CTNNA2: variants seen among roughly 807,000 people sequenced by gnomAD.
CTNNA2 encodes the protein catenin alpha-2.
Under a neutral mutation model 101.0 loss-of-function variants are expected in CTNNA2, and 42 were observed. The ratio of observed to expected loss-of-function variants is 0.42; its 90% confidence interval spans 0.32 to 0.54. The LOEUF (loss-of-function observed/expected upper bound fraction) is 0.54. Among genes scored for constraint, CTNNA2 ranks in the 20% least tolerant of loss-of-function variants. The pLI, the probability that CTNNA2 is intolerant of heterozygous loss-of-function variation, is 0.14. For missense variants in CTNNA2, 871 were observed against 1,223.1 expected (o/e 0.71, Z 4.29); for synonymous variants, 450 against 456.4 (o/e 0.99, Z 0.18).
chr2:79,471,727 A>C lies in CTNNA2; in HGVS notation c.-134-33327A>C, dbSNP rs60370846. Among the ~76,000 whole-genome samples, 430 of 152,128 alleles carry C rather than the reference A, an allele frequency of 2.8e-3. 2 individuals carry two copies. The highest frequency in any genetic ancestry group is 0.01 in the African/African-American group (415 of 41,500). Reference sequence around the variant, plus strand: ...GTGGTGGGTGCCTGTAGTCCCAGCTATTCGGGAGGCTGAGGCAGAAGAACG... The same window carrying C: ...GTGGTGGGTGCCTGTAGTCCCAGCTCTTCGGGAGGCTGAGGCAGAAGAACG... On this transcript the variant is annotated intron_variant, in intron 4 of 21. Coordinates refer to the CTNNA2 transcript ENST00000466387.
intron 7 of CTNNA2, among the ~76,000 whole-genome samples, chr2:80,367,190 G>A (rs995660993): frequency 2.6e-5 from 4 of 151,986 alleles, no homozygotes; most frequent in African/African-American, 9.7e-5. Context: ...CTTTCACATT[G>A]CGTAGAAAAA....
intron 4 of CTNNA2, among the ~76,000 whole-genome samples, chr2:79,392,942 A>G (rs912467679): frequency 6.6e-6 from 1 of 152,232 alleles, no homozygotes; most frequent in Non-Finnish European, 1.5e-5. Flanking sequence ...AACTCTGAAT[A>G]TATTCCATCT....
chr2:79,368,214 G>GT (rs1677791869), intron 3 of CTNNA2, among the ~76,000 whole-genome samples: 1 of 152,172 alleles, frequency 6.6e-6, no homozygotes, highest in Non-Finnish European at 1.5e-5. Context: ...TATATTTAAC[G>GT]TAAGACTCCT....
intron 3 of CTNNA2, among the ~76,000 whole-genome samples, chr2:79,341,210 G>A (rs907623533): frequency 1.3e-5 from 2 of 152,150 alleles, no homozygotes; most frequent in Admixed American, 6.5e-5. Context: ...GAGAAAGCAA[G>A]TGGGAATATA....
At position 80,179,309 on chromosome 2, in the gene CTNNA2, C is replaced by G. The variant is rs530856945; in HGVS notation, c.1057-213902C>G. Among the ~76,000 whole-genome samples the G allele has an allele frequency of 2.6e-5, 4 of 152,274 alleles. No homozygotes were observed. The South Asian group carries it at 8.3e-4, about 32-fold the overall frequency. On this transcript the variant is annotated intron_variant, in intron 7 of 18. Transcript: ENST00000402739. ...AGATCCATCTGTCTTCTGCACAGGC[C>G]AAATAGGAGAGATGAACAGGAATGT...
intron 1 of CTNNA2, among the ~76,000 whole-genome samples, chr2:79,195,484 C>A (rs370100697): frequency 1.3e-5 from 2 of 152,170 alleles, no homozygotes; most frequent in African/African-American, 2.4e-5. Context: ...AGCAAGATCG[C>A]TTTTACAACC....
At chr2:80,608,085 T>C in intron 16 of CTNNA2, 99 bp from the exon 17 acceptor site, 2 of 1,143,314 alleles carry the variant, frequency 1.7e-6, no homozygotes, top group Non-Finnish European at 2.5e-6. Flanking sequence ...AATTAAGGTA[T>C]ATGACACTGA....
At chr2:80,014,285 G>A (rs1191769430) in intron 7 of CTNNA2, among the ~76,000 whole-genome samples, 1 of 152,036 alleles carries the variant, frequency 6.6e-6, no homozygotes, top group African/African-American at 2.4e-5. Context: ...AAGGGAGCTA[G>A]AAAGATGCCT....
chr2:79,655,793 C>A (rs1271572457), intron 2 of CTNNA2, among the ~76,000 whole-genome samples: 1 of 150,210 alleles, frequency 6.7e-6, no homozygotes, highest in Non-Finnish European at 1.5e-5. Context: ...CATGCCACTG[C>A]ACTCTAACCT....
intron 7 of CTNNA2, among the ~76,000 whole-genome samples, chr2:79,959,390 A>G (rs73938429): frequency 0.016 from 2,488 of 152,296 alleles, 79 homozygotes; most frequent in African/African-American, 0.057. Context: ...TAAAATCCCA[A>G]TTTCATTACT....
rs140889514 is a variant in CTNNA2 at position 80,470,392 on chromosome 2, C to CG, written c.1290+50791_1290+50792insG. 2.0e-5 allele frequency among the ~76,000 whole-genome samples: 3 copies of CG among 152,122 alleles called. No homozygotes were observed. The East Asian group carries it at 5.8e-4, about 29-fold the overall frequency. ...TGGGAGCCACAGGTCAGCTGGCCCCCTGCCTTCACATGCCAGTACAGAATT... is the reference window on the plus strand; with the variant it reads ...TGGGAGCCACAGGTCAGCTGGCCCCCGTGCCTTCACATGCCAGTACAGAATT... On this transcript the variant is annotated intron_variant, in intron 9 of 18. Coordinates refer to ENST00000402739, the MANE Select transcript of CTNNA2 (RefSeq NM_001282597.3).
At position 79,651,515 on chromosome 2, in the gene CTNNA2, G is replaced by A. The variant is rs1215258416; in HGVS notation, c.-5-37G>A. On this transcript the variant is annotated intron_variant, in intron 1 of 18. Coordinates refer to ENST00000402739, the MANE Select transcript of CTNNA2 (RefSeq NM_001282597.3). ...CACCAAAGTTACAATTTATTTCAAA[G>A]ATGATTATTTCTAACTGATTACATG... The A allele has an allele frequency of 5.8e-6, 9 of 1,561,374 alleles. No homozygotes were observed. The South Asian group carries it at 7.8e-5, about 14-fold the overall frequency.
chr2:79,717,098 C>T (rs1686159086), intron 2 of CTNNA2, among the ~76,000 whole-genome samples: 1 of 152,090 alleles, frequency 6.6e-6, no homozygotes, highest in Non-Finnish European at 1.5e-5. Flanking sequence ...AAAGCCATTT[C>T]TATTTGTGTA....
intron 17 of CTNNA2, among the ~76,000 whole-genome samples, chr2:80,611,231 A>T (rs1698444564): frequency 6.6e-6 from 1 of 151,496 alleles, no homozygotes; most frequent in Non-Finnish European, 1.5e-5. Flanking sequence ...TGCTTAGTTT[A>T]ATGTTTGCTT....
chr2:80,611,945 A>G (rs915720883), intron 17 of CTNNA2, among the ~76,000 whole-genome samples: 15 of 151,644 alleles, frequency 9.9e-5, no homozygotes, highest in Non-Finnish European at 2.2e-4. Context: ...TACAAATTTT[A>G]ATAGATTTTA....
chr2:79,514,419 T>C (rs1671696664), intron 1 of CTNNA2, among the ~76,000 whole-genome samples: 1 of 152,234 alleles, frequency 6.6e-6, no homozygotes, highest in African/African-American at 2.4e-5. Context: ...TGATTCTGTT[T>C]GTGGCTTACA....
chr2:79,599,354 A>G (rs2566551), intron 1 of CTNNA2, among the ~76,000 whole-genome samples: 94,880 of 152,026 alleles, frequency 0.62, 30,434 homozygotes, highest in South Asian at 0.7. Context: ...AAGGATATAA[A>G]CAGAAATATG....
chr2:80,072,902 T>G (rs992757352), intron 7 of CTNNA2, among the ~76,000 whole-genome samples: 28 of 152,308 alleles, frequency 1.8e-4, no homozygotes, highest in Middle Eastern at 3.4e-3. Flanking sequence ...TTTACATTGT[T>G]GCAAGTAGAA....
chr2:79,409,164 A>C (rs1377898837), intron 4 of CTNNA2, among the ~76,000 whole-genome samples: 2 of 151,902 alleles, frequency 1.3e-5, no homozygotes, highest in African/African-American at 4.8e-5. Flanking sequence ...CTTTCTTGTA[A>C]ATTTGTTTGA....
Sources: gnomAD v4.1 joint callset for allele counts (sites outside exome capture counted in the v4.1 genomes callset) on GRCh38, gnomAD v4.1.1 for gene constraint, MANE v1.5 for transcripts, NCBI Gene and HGNC (gene_info 2026-07-23, HGNC 2026-07-21) for gene names.